Variants in NLRP5 observed in about 807,000 individuals in gnomAD.
The protein encoded by NLRP5 is NACHT, LRR and PYD domains-containing protein 5.
NLRP5 carries 93 observed loss-of-function variants against 113.1 expected under a neutral mutation model. That is an observed-to-expected ratio of 0.82 (90% CI 0.70 to 0.98). The LOEUF is 0.98. NLRP5 is among the 50% of genes least tolerant of loss of function. NLRP5 has a pLI of 0.00. For missense variants in NLRP5, 1,808 were observed against 1,514.3 expected, an observed-to-expected ratio of 1.19 and a Z score of -3.22; for synonymous variants, 751 against 600.7, an observed-to-expected ratio of 1.25 and a Z score of -3.66.
chr19:56,054,402 A>G (rs987133917), intron 13 of NLRP5, among the ~76,000 whole-genome samples: 4 of 152,100 alleles, frequency 2.6e-5, no homozygotes, highest in African/African-American at 9.7e-5. Context: ...TACTAAAAAT[A>G]CAAAAATTAG....
At chr19:56,057,369 T>G (rs1304302193) in intron 13 of NLRP5, among the ~76,000 whole-genome samples, 1 of 150,156 alleles carries the variant, frequency 6.7e-6, no homozygotes, top group Non-Finnish European at 1.5e-5. Context: ...TTTCTGTTGC[T>G]CTTAAGATGA....
upstream of NLRP5, among the ~76,000 whole-genome samples, chr19:55,999,457 C>A (rs1981534830): frequency 6.6e-6 from 1 of 152,046 alleles, no homozygotes. Context: ...CTCAGGTGAT[C>A]TGCCCGCCTC....
chr19:56,043,672 T>C (rs2123326966), intron 11 of NLRP5, among the ~76,000 whole-genome samples: 1 of 148,818 alleles, frequency 6.7e-6, no homozygotes, highest in Middle Eastern at 3.5e-3. Flanking sequence ...TTCATGCCAT[T>C]CTCCTGCCTC....
In NLRP5 at chr19:56,028,394, A is replaced by G; in HGVS notation, c.2161A>G (p.Ile721Val). The change falls in exon 7 of 15, where the codon ATA becomes GTA. Residue 721 changes from isoleucine (I) to valine (V), a missense_variant. Transcript: ENST00000390649. The stretch of plus-strand genomic sequence containing the variant: ...TCCGATTAACCAGAACCTGGACTTG[A>G]TAGCATCTTCCTTCTGCCTCCAGCA... The G allele has an allele frequency of 1.9e-6, 3 of 1,614,012 alleles. No individual in the cohort carries two copies. The highest frequency in any genetic ancestry group is 1.7e-6 in the Non-Finnish European group (2 of 1,179,896).
At chr19:56,035,159 C>T (rs567601128) in intron 9 of NLRP5, among the ~76,000 whole-genome samples, 1 of 152,272 alleles carries the variant, frequency 6.6e-6, no homozygotes, top group Non-Finnish European at 1.5e-5. Context: ...AGGCTGTCCT[C>T]GAACTCCTGA....
chr19:56,039,535 G>A (rs1386576969), intron 10 of NLRP5, among the ~76,000 whole-genome samples: 4 of 152,132 alleles, frequency 2.6e-5, no homozygotes, highest in East Asian at 1.9e-4. Context: ...GGGAAGGGGC[G>A]TTCACTCCAA....
rs537471101 is a variant in NLRP5, at chr19:56,028,442, C to T, written c.2209C>T (p.Arg737Trp). 45 of 1,613,890 alleles carry T rather than the reference C, an allele frequency of 2.8e-5. No homozygotes were observed. Among genetic ancestry groups the T allele is most frequent in the African/African-American group, 1.7e-4 (13 of 75,038 alleles). Reference sequence around the variant, plus strand: ...GCACTGTCCGTATTTGCGGAAAATTCGGGTGGATGTCAAAGGGATCTTCCC... The same window carrying T: ...GCACTGTCCGTATTTGCGGAAAATTTGGGTGGATGTCAAAGGGATCTTCCC... The change falls in exon 7 of 15, where the codon CGG becomes TGG. Residue 737 changes from arginine (R) to tryptophan (W), a missense_variant. Physicochemically the swap from Arg to Trp is moderately radical, Grantham distance 101. Transcript: ENST00000390649.
chr19:55,998,706 G>GTATATATATA (rs1388437988), upstream of NLRP5, among the ~76,000 whole-genome samples: 262 of 31,118 alleles, frequency 8.4e-3, 1 homozygote, highest in African/African-American at 0.021. Context: ...ATATATATGT[G>GTATATATATA]TGTGTGTGTA....
rs898930698 is a variant in NLRP5 at position 56,027,231 on chromosome 19, C to T, written c.998C>T (p.Thr333Ile). The T allele has an allele frequency of 6.2e-7, 1 of 1,612,692 alleles. No homozygotes were observed. The highest frequency in any genetic ancestry group is 2.2e-5 in the East Asian group (1 of 44,850). The stretch of plus-strand genomic sequence containing the variant: ...CAGCGGAAGAAGGAGAGCAGTGTCA[C>T]AGAGTTCATCTCCAGGGAGTGGCCA... The change falls in exon 7 of 15, where the codon ACA becomes ATA. Residue 333 changes from threonine (T) to isoleucine (I), a missense_variant. Thr to Ile is a moderately conservative substitution (Grantham distance 89). Coordinates refer to ENST00000390649, the MANE Select transcript of NLRP5 (RefSeq NM_153447.4).
intron 11 of NLRP5, among the ~76,000 whole-genome samples, chr19:56,042,920 C>CT (rs1372764152): frequency 6.6e-6 from 1 of 151,676 alleles, no homozygotes; most frequent in East Asian, 2.0e-4. Context: ...ACTGCAAATG[C>CT]TGTTAATTCA....
chr19:56,046,751 C>G (rs886112765), intron 11 of NLRP5, among the ~76,000 whole-genome samples: 29 of 152,044 alleles, frequency 1.9e-4, no homozygotes, highest in Non-Finnish European at 3.8e-4. Flanking sequence ...TCACCGTGGT[C>G]TCGATCTCCT....
chr19:56,044,907 G>A (rs930154691), intron 11 of NLRP5, among the ~76,000 whole-genome samples: 1 of 152,154 alleles, frequency 6.6e-6, no homozygotes, highest in Non-Finnish European at 1.5e-5. Context: ...AGTTTTCCTT[G>A]TAGAGGTCTT....
chr19:56,005,122 A>G (rs1374175216), intron 2 of NLRP5, among the ~76,000 whole-genome samples: 2 of 145,478 alleles, frequency 1.4e-5, no homozygotes, highest in Non-Finnish European at 3.0e-5. Context: ...ATATATATAT[A>G]TATAATATAT....
At chr19:56,038,286 G>GA in intron 10 of NLRP5, 91 bp downstream of exon 10, 2 of 1,385,334 alleles carry the variant, frequency 1.4e-6, no homozygotes, top group Non-Finnish European at 2.0e-6. Flanking sequence ...GGAGGGAAAT[G>GA]AGCAGATGTA....
At chr19:55,999,933 G>C in intron 1 of NLRP5, 1 of 676,166 alleles carries the variant, frequency 1.5e-6, no homozygotes, top group Non-Finnish European at 2.7e-6. Flanking sequence ...GGGGTAGAAA[G>C]AAAGTGAAAG....
intron 9 of NLRP5, 49 bp downstream of exon 9, chr19:56,033,758 T>G (rs761587615): frequency 3.3e-6 from 5 of 1,497,240 alleles, no homozygotes; most frequent in Non-Finnish European, 9.1e-7. Flanking sequence ...TTTTTACTTG[T>G]GTTTGAAATG....
chr19:56,028,426 G>A lies in NLRP5; in HGVS notation c.2193G>A (p.Pro731=), dbSNP rs550620807. The change falls in exon 7 of 15, where the codon CCG becomes CCA. Residue 731 remains proline (P), a synonymous_variant. Transcript: ENST00000390649. The stretch of plus-strand genomic sequence containing the variant: ...CTTCCTTCTGCCTCCAGCACTGTCC[G>A]TATTTGCGGAAAATTCGGGTGGATG... The A allele has an allele frequency of 1.3e-5, 21 of 1,613,918 alleles. No individual in the cohort carries two copies. Among genetic ancestry groups the A allele is most frequent in the South Asian group, 9.9e-5 (9 of 91,086 alleles).
chr19:55,995,171 G>T (rs1981286032), upstream of NLRP5, among the ~76,000 whole-genome samples: 1 of 152,042 alleles, frequency 6.6e-6, no homozygotes, highest in Non-Finnish European at 1.5e-5. Context: ...AGAACACTTG[G>T]ACACAGGGTG....
upstream of NLRP5, among the ~76,000 whole-genome samples, chr19:55,998,834 C>T (rs1256913373): frequency 1.3e-5 from 2 of 150,036 alleles, no homozygotes; most frequent in Non-Finnish European, 3.0e-5. Flanking sequence ...TATATATTTG[C>T]GAGGTACAAT....
Sources: allele counts gnomAD v4.1 joint callset (sites outside exome capture counted in the v4.1 genomes callset), GRCh38; gene constraint gnomAD v4.1.1; transcripts MANE v1.5; gene names NCBI Gene and HGNC (gene_info 2026-07-23, HGNC 2026-07-21).